The following AIF1 variants were observed in gnomAD, a reference collection of about 807,000 sequenced individuals.
AIF1 encodes allograft inflammatory factor 1.
A neutral mutation model predicts 20.6 loss-of-function variants in AIF1; 21 were observed. That is an observed-to-expected ratio of 1.02 (90% CI 0.72 to 1.47). The LOEUF (loss-of-function observed/expected upper bound fraction) is 1.47. AIF1 is among the 40% of genes most tolerant of loss of function. The pLI, the probability that AIF1 is intolerant of heterozygous loss-of-function variation, is 0.00. For synonymous variants in AIF1, 52 were observed against 65.8 expected (o/e 0.79, Z 1.01); for missense variants, 161 against 170.5 (o/e 0.94, Z 0.31).
Position 31,616,326 on chromosome 6 carries a change from C to A in AIF1, c.197-18C>A, listed in dbSNP as rs766756688. On this transcript the variant is annotated intron_variant, in intron 4 of 5. Coordinates refer to ENST00000376059, the MANE Select transcript of AIF1 (RefSeq NM_001623.5). The surrounding 1 kb of genome is among the most constrained non-coding windows in gnomAD (Gnocchi z 4.0). Reference sequence around the variant, plus strand: ...AGGGTCTCCCCACCTTCTCCCCATCCCCATCCTCTGCCCCCAGATATCATG... The same window carrying A: ...AGGGTCTCCCCACCTTCTCCCCATCACCATCCTCTGCCCCCAGATATCATG... 2.1e-5 allele frequency: 34 copies of A among 1,612,894 alleles called. No individual in the cohort carries two copies. Among genetic ancestry groups the A allele is most frequent in the Non-Finnish European group, 2.7e-5 (32 of 1,180,022 alleles).
In AIF1 at chr6:31,615,750, T is replaced by G; in HGVS notation, c.154+14T>G. Reference sequence around the variant, plus strand: ...AAGGCTTCAAAGGTGAGGGGGAAACTGTAGGCGGTGGAGACAGGGCTGGGG... The same window carrying G: ...AAGGCTTCAAAGGTGAGGGGGAAACGGTAGGCGGTGGAGACAGGGCTGGGG... On this transcript the variant is annotated intron_variant, in intron 3 of 5. Coordinates refer to ENST00000376059, the MANE Select transcript of AIF1 (RefSeq NM_001623.5). 6.2e-7 allele frequency: 1 copy of G among 1,603,272 alleles called. No homozygotes were observed. Among genetic ancestry groups the G allele is most frequent in the Non-Finnish European group, 8.5e-7 (1 of 1,174,444 alleles).
At position 31,616,509 on chromosome 6, in the gene AIF1, G is replaced by C; in HGVS notation, c.359+3G>C. On this transcript the variant is annotated splice_donor_region_variant and intron_variant, in intron 5 of 5. Coordinates refer to ENST00000376059, the MANE Select transcript of AIF1 (RefSeq NM_001623.5). This position sits in a 1 kb window ranked among gnomAD's most constrained non-coding sequence, Gnocchi z 4.0. ...AAGAGATCTGCCATCCTAAAAATGT[G>C]AGTGTCAATTTCCAACCTCCCCTGT... is the stretch of plus-strand genomic sequence containing the variant. The C allele has an allele frequency of 6.2e-7, 1 of 1,602,650 alleles. No individual in the cohort carries two copies. Among genetic ancestry groups the C allele is most frequent in the Non-Finnish European group, 8.5e-7 (1 of 1,174,094 alleles).
Position 31,615,664 on chromosome 6 carries a change from C to A in AIF1, c.88-6C>A. 6.2e-7 allele frequency: 1 copy of A among 1,613,142 alleles called. No individual in the cohort carries two copies. The highest frequency in any genetic ancestry group is 1.3e-5 in the African/African-American group (1 of 74,930). ...CCTACCCTGGCTCTTATTTTCCCCT[C>A]CATAGCAATTCCTAGACGATCCCAA... On this transcript the variant is annotated splice_region_variant and splice_polypyrimidine_tract_variant and intron_variant, in intron 2 of 5. Coordinates refer to ENST00000376059, the MANE Select transcript of AIF1 (RefSeq NM_001623.5).
In AIF1 at chr6:31,616,716, C is replaced by T; in HGVS notation, c.360-100C>T. The stretch of plus-strand genomic sequence containing the variant: ...TGCCCTTCCTCTTCCCCCTTCCACC[C>T]TCACATCCCCATCCCCTTCTAGCCT... On this transcript the variant is annotated intron_variant, in intron 5 of 5. Coordinates refer to ENST00000376059, the MANE Select transcript of AIF1 (RefSeq NM_001623.5). The surrounding 1 kb of genome is among the most constrained non-coding windows in gnomAD (Gnocchi z 4.0). The T allele has an allele frequency of 6.4e-7, 1 of 1,571,126 alleles. No individual in the cohort carries two copies. The highest frequency in any genetic ancestry group is 8.7e-7 in the Non-Finnish European group (1 of 1,156,028).
chr6:31,616,625 A>G lies in AIF1; in HGVS notation c.359+119A>G. ...CCATCATCCCTTCTTCCATCCTTAGAGGGACCCTTCCAAGGTCCCGACCCC... is the reference window on the plus strand; with the variant it reads ...CCATCATCCCTTCTTCCATCCTTAGGGGGACCCTTCCAAGGTCCCGACCCC... On this transcript the variant is annotated intron_variant, in intron 5 of 5. Coordinates refer to ENST00000376059, the MANE Select transcript of AIF1 (RefSeq NM_001623.5). This position sits in a 1 kb window ranked among gnomAD's most constrained non-coding sequence, Gnocchi z 4.0. The G allele has an allele frequency of 2.7e-6, 4 of 1,496,056 alleles. No homozygotes were observed. The highest frequency in any genetic ancestry group is 3.6e-6 in the Non-Finnish European group (4 of 1,122,442). 92.7% of individuals were successfully genotyped at this position (1,496,056 alleles called of 1,614,324 possible).
In AIF1 at chr6:31,615,759, T is replaced by C. The variant is rs1283301908; in HGVS notation, c.154+23T>C. ...AAGGTGAGGGGGAAACTGTAGGCGGTGGAGACAGGGCTGGGGGTAGGAGGG... is the reference window on the plus strand; with the variant it reads ...AAGGTGAGGGGGAAACTGTAGGCGGCGGAGACAGGGCTGGGGGTAGGAGGG... On this transcript the variant is annotated intron_variant, in intron 3 of 5. Transcript: ENST00000376059. 8 of 1,599,656 alleles carry C rather than the reference T, an allele frequency of 5.0e-6. No individual in the cohort carries two copies. In the African/African-American group the frequency reaches 5.4e-5, roughly 11 times the overall value.
chr6:31,616,095 C>T lies in AIF1; in HGVS notation c.155-9C>T, dbSNP rs1256029309. On this transcript the variant is annotated splice_polypyrimidine_tract_variant and intron_variant, in intron 3 of 5. Transcript: ENST00000376059. The surrounding 1 kb of genome is among the most constrained non-coding windows in gnomAD (Gnocchi z 4.0). ...GCGCTTATCCCTTCTGCTCTCTCCC[C>T]TCACCCAGAGAAATACATGGAGTTT... 1 of 1,574,974 alleles carries T rather than the reference C, an allele frequency of 6.3e-7. No homozygotes were observed. Among genetic ancestry groups the T allele is most frequent in the Non-Finnish European group, 8.6e-7 (1 of 1,159,030 alleles).
In AIF1 at chr6:31,616,184, A is replaced by G. The variant is rs1774338596; in HGVS notation, c.196+39A>G. 4.3e-6 allele frequency: 7 copies of G among 1,613,124 alleles called. No homozygotes were observed. The highest frequency in any genetic ancestry group is 1.3e-5 in the African/African-American group (1 of 75,046). On this transcript the variant is annotated intron_variant, in intron 4 of 5. Coordinates refer to ENST00000376059, the MANE Select transcript of AIF1 (RefSeq NM_001623.5). This position sits in a 1 kb window ranked among gnomAD's most constrained non-coding sequence, Gnocchi z 4.0. ...GATTTGCGGGGGCAGGGTGGTGTGC[A>G]GGCCTAAGAAGACAGAGGTCTCTCC...
chr6:31,615,588 A>C lies in AIF1; in HGVS notation c.87+6A>C. On this transcript the variant is annotated splice_donor_region_variant and intron_variant, in intron 2 of 5. Coordinates refer to ENST00000376059, the MANE Select transcript of AIF1 (RefSeq NM_001623.5). ...GGCTGGATGAGATCAACAAGGTAGA[A>C]GGAAGAACTAAGGGGGCAGAGCCAG... 6.2e-7 allele frequency: 1 copy of C among 1,613,522 alleles called. No homozygotes were observed. The highest frequency in any genetic ancestry group is 8.5e-7 in the Non-Finnish European group (1 of 1,179,860).
rs1282556694 is a variant in AIF1 at position 31,616,294 on chromosome 6, G to C, written c.197-50G>C. On this transcript the variant is annotated intron_variant, in intron 4 of 5. Coordinates refer to ENST00000376059, the MANE Select transcript of AIF1 (RefSeq NM_001623.5). This position sits in a 1 kb window ranked among gnomAD's most constrained non-coding sequence, Gnocchi z 4.0. The stretch of plus-strand genomic sequence containing the variant: ...GAATGGGGATGCGGAAGTGGGAGAG[G>C]AGAGAGAGGGTCTCCCCACCTTCTC... 2 of 1,612,784 alleles carry C rather than the reference G, an allele frequency of 1.2e-6. No individual in the cohort carries two copies. The highest frequency in any genetic ancestry group is 1.7e-6 in the Non-Finnish European group (2 of 1,179,906).
chr6:31,615,687 C>A lies in AIF1; in HGVS notation c.105C>A (p.Pro35=). The change falls in exon 3 of 6, where the codon CCC becomes CCA. Residue 35 remains proline, a synonymous_variant. Coordinates refer to ENST00000376059, the MANE Select transcript of AIF1 (RefSeq NM_001623.5). ...DEINKQFLDD[P]KYSSDEDLPS... The stretch of plus-strand genomic sequence containing the variant: ...CTCCATAGCAATTCCTAGACGATCC[C>A]AAATATAGCAGTGATGAGGATCTGC... The A allele has an allele frequency of 6.2e-7, 1 of 1,612,872 alleles. No individual in the cohort carries two copies. The highest frequency in any genetic ancestry group is 8.5e-7 in the Non-Finnish European group (1 of 1,179,742).
In AIF1 at chr6:31,615,547, G is replaced by T. The variant is rs1298376489; in HGVS notation, c.52G>T (p.Ala18Ser). Residue 18 changes from alanine (A) to serine (S), a missense_variant, in exon 2 of 6, where the codon GCC becomes TCC. Transcript: ENST00000376059. ...QGGKAFGLLK[A>S]QQEERLDEIN... Reference sequence around the variant, plus strand: ...AGGAAAAGCTTTCGGACTGCTGAAGGCCCAGCAGGAAGAGAGGCTGGATGA... The same window carrying T: ...AGGAAAAGCTTTCGGACTGCTGAAGTCCCAGCAGGAAGAGAGGCTGGATGA... 1 of 1,613,778 alleles carries T rather than the reference G, an allele frequency of 6.2e-7. No individual in the cohort carries two copies. The highest frequency in any genetic ancestry group is 8.5e-7 in the Non-Finnish European group (1 of 1,179,956).
At position 31,616,941 on chromosome 6, in the gene AIF1, A is replaced by G; in HGVS notation, c.*41A>G. The G allele has an allele frequency of 6.2e-7, 1 of 1,613,018 alleles. No homozygotes were observed. The highest frequency in any genetic ancestry group is 1.1e-5 in the South Asian group (1 of 90,990). On this transcript the variant is annotated 3_prime_UTR_variant, in exon 6 of 6. Transcript: ENST00000376059. This position sits in a 1 kb window ranked among gnomAD's most constrained non-coding sequence, Gnocchi z 4.0. Reference sequence around the variant, plus strand: ...GATGATGGGATTGAAGGGGCTTCTAATGACCCAGATATGGAAACAGAAGAC... The same window carrying G: ...GATGATGGGATTGAAGGGGCTTCTAGTGACCCAGATATGGAAACAGAAGAC...
In AIF1 at chr6:31,616,722, T is replaced by A; in HGVS notation, c.360-94T>A. ...TCCTCTTCCCCCTTCCACCCTCACA[T>A]CCCCATCCCCTTCTAGCCTTTCCTA... On this transcript the variant is annotated intron_variant, in intron 5 of 5. Transcript: ENST00000376059. This position sits in a 1 kb window ranked among gnomAD's most constrained non-coding sequence, Gnocchi z 4.0. The A allele has an allele frequency of 1.9e-6, 3 of 1,579,734 alleles. No homozygotes were observed. Among genetic ancestry groups the A allele is most frequent in the Non-Finnish European group, 2.6e-6 (3 of 1,160,014 alleles).
Position 31,616,937 on chromosome 6 carries a change from T to G in AIF1, c.*37T>G. On this transcript the variant is annotated 3_prime_UTR_variant, in exon 6 of 6. Transcript: ENST00000376059. This position sits in a 1 kb window ranked among gnomAD's most constrained non-coding sequence, Gnocchi z 4.0. The stretch of plus-strand genomic sequence containing the variant: ...AAGGGATGATGGGATTGAAGGGGCT[T>G]CTAATGACCCAGATATGGAAACAGA... 1 of 1,613,326 alleles carries G rather than the reference T, an allele frequency of 6.2e-7. No individual in the cohort carries two copies. The highest frequency in any genetic ancestry group is 8.5e-7 in the Non-Finnish European group (1 of 1,179,614).
chr6:31,615,899 G>C (rs377206649), intron 3 of AIF1, 163 bp downstream of exon 3: 40 of 1,479,582 alleles, frequency 2.7e-5, no homozygotes, highest in Non-Finnish European at 3.5e-5. Context: ...TCCCTTTCCC[G>C]GGCCTGCCTC....
In AIF1 at chr6:31,616,018, G is replaced by C. The variant is rs1413494775; in HGVS notation, c.155-86G>C. On this transcript the variant is annotated intron_variant, in intron 3 of 5. Transcript: ENST00000376059. This position sits in a 1 kb window ranked among gnomAD's most constrained non-coding sequence, Gnocchi z 4.0. ...CCTTCCACGTTGTCTCCTCCACCTA[G>C]CAGTTGGTTGGCAACCCCTTCCTCA... The C allele has an allele frequency of 1.3e-6, 2 of 1,523,288 alleles. No homozygotes were observed. Among genetic ancestry groups the C allele is most frequent in the Non-Finnish European group, 1.8e-6 (2 of 1,139,094 alleles). The allele number at this position is 1,523,288 out of a possible 1,614,324, so 94.4% of individuals were successfully genotyped here. A position where few individuals can be genotyped will look rare whatever the true frequency, so the allele number is the denominator to read the frequency against.
rs1267144989 is a variant in AIF1, at chr6:31,616,629, A to AC, written c.359+126dup. The AC allele has an allele frequency of 4.0e-6, 6 of 1,490,940 alleles. No homozygotes were observed. In the African/African-American group the frequency reaches 8.4e-5, roughly 21 times the overall value. 92.4% of individuals were successfully genotyped at this position (1,490,940 alleles called of 1,614,324 possible). ...CATCCCTTCTTCCATCCTTAGAGGG[A>AC]CCCTTCCAAGGTCCCGACCCCATCC... On this transcript the variant is annotated intron_variant, in intron 5 of 5. Transcript: ENST00000376059. The surrounding 1 kb of genome is among the most constrained non-coding windows in gnomAD (Gnocchi z 4.0).
rs1774322535 is a variant in AIF1, at chr6:31,616,068, C to A, written c.155-36C>A. On this transcript the variant is annotated intron_variant, in intron 3 of 5. Coordinates refer to ENST00000376059, the MANE Select transcript of AIF1 (RefSeq NM_001623.5). The surrounding 1 kb of genome is among the most constrained non-coding windows in gnomAD (Gnocchi z 4.0). ...AGTCCCCTGCTGAAAACCCTCCAGTCAGCGCTTATCCCTTCTGCTCTCTCC... is the reference window on the plus strand; with the variant it reads ...AGTCCCCTGCTGAAAACCCTCCAGTAAGCGCTTATCCCTTCTGCTCTCTCC... The A allele has an allele frequency of 6.5e-7, 1 of 1,539,022 alleles. No individual in the cohort carries two copies. The highest frequency in any genetic ancestry group is 8.7e-7 in the Non-Finnish European group (1 of 1,143,392).
Sources: allele counts gnomAD v4.1 joint callset, GRCh38; gene constraint gnomAD v4.1.1; non-coding constraint Gnocchi (gnomAD v3.1); transcripts MANE v1.5; gene names NCBI Gene and HGNC (gene_info 2026-07-23, HGNC 2026-07-21).